Variants in SBSN observed in about 807,000 individuals in gnomAD.
The protein encoded by SBSN is suprabasin, also known as HLAR698.
Under a neutral mutation model 42.8 loss-of-function variants are expected in SBSN, and 33 were observed. The ratio of observed to expected loss-of-function variants is 0.77; its 90% CI spans 0.58 to 1.03. The LOEUF (loss-of-function observed/expected upper bound fraction) is 1.03. Among genes scored for constraint, SBSN ranks in the 50% least tolerant of loss-of-function variants. SBSN has a pLI of 0.00. For synonymous variants in SBSN, 276 were observed against 307.0 expected (o/e 0.90, Z 1.06); for missense variants, 646 against 757.3 (o/e 0.85, Z 1.72).
In SBSN at chr19:35,527,209, G is replaced by C; in HGVS notation, c.1073C>G (p.Ala358Gly). Residue 358 changes from alanine (A) to glycine (G), a missense_variant, in exon 1 of 4, where the codon GCC (alanine) becomes GGC (glycine). Transcript: ENST00000452271. ...CTCTGTTTCCTTCCCAAACTGACTGGCAGCATGGTGGACCCCCTGGCCAAA... is the reference window on the plus strand; with the variant it reads ...CTCTGTTTCCTTCCCAAACTGACTGCCAGCATGGTGGACCCCCTGGCCAAA... ...EKFGQGVHHAASQFGKETEKL... is the reference protein window; with the variant it reads ...EKFGQGVHHAGSQFGKETEKL... The C allele has an allele frequency of 6.5e-7, 1 of 1,535,596 alleles. No individual in the cohort carries two copies. Among genetic ancestry groups the C allele is most frequent in the Non-Finnish European group, 8.7e-7 (1 of 1,146,384 alleles).
chr19:35,523,760 T>A, intron 3 of SBSN, among the ~76,000 whole-genome samples: 1 of 152,144 alleles, frequency 6.6e-6, no homozygotes. Context: ...ACAAGCCTCG[T>A]GTGTTTAGCC....
intron 1 of SBSN, 33 bp downstream of exon 1, chr19:35,526,611 C>CCCT: frequency 9.0e-6 from 12 of 1,336,252 alleles, no homozygotes; most frequent in South Asian, 6.8e-5. Flanking sequence ...CCCAACCCCC[C>CCCT]TGTCCCCCAT....
At chr19:35,525,202 G>A (rs1250051018) in intron 1 of SBSN, among the ~76,000 whole-genome samples, 6 of 152,172 alleles carry the variant, frequency 3.9e-5, no homozygotes, top group Non-Finnish European at 8.8e-5. Context: ...GGAAGGTAGA[G>A]GACCCGTGAC....
chr19:35,527,094 C>G lies in SBSN; in HGVS notation c.1188G>C (p.Gln396His). ...FGQGVHHAAS[Q>H]VGKEEDRVVQ... ...CCACTCTGTCTTCCTCCTTCCCCAC[C>G]TGCGAGGCAGCATGGTGGACACCCT... The change falls in exon 1 of 4, where the codon CAG becomes CAC. Residue 396 changes from glutamine to histidine, a missense_variant. By Grantham distance (24) the Gln-to-His change is conservative. Transcript: ENST00000452271. 1 of 1,537,614 alleles carries G rather than the reference C, an allele frequency of 6.5e-7. No homozygotes were observed. The highest frequency in any genetic ancestry group is 8.7e-7 in the Non-Finnish European group (1 of 1,146,940).
At chr19:35,524,307 C>T (rs1321514257) in intron 3 of SBSN, among the ~76,000 whole-genome samples, 1 of 152,176 alleles carries the variant, frequency 6.6e-6, no homozygotes, top group Admixed American at 6.5e-5. Flanking sequence ...CAGGCTCCCC[C>T]TCCCAGCATG....
At chr19:35,524,665 A>G (rs1363435618) in intron 3 of SBSN, 46 bp downstream of exon 3, 1 of 1,605,592 alleles carries the variant, frequency 6.2e-7, no homozygotes, top group South Asian at 1.1e-5. Flanking sequence ...GGGTGAGCGT[A>G]TCTATCAGGA....
chr19:35,524,662 C>T (rs556427986), intron 3 of SBSN, 49 bp downstream of exon 3: 17 of 1,599,638 alleles, frequency 1.1e-5, no homozygotes, highest in Admixed American at 6.7e-5. Context: ...TCGGGGTGAG[C>T]GTATCTATCA....
At position 35,526,720 on chromosome 19, in the gene SBSN, C is replaced by A. The variant is rs1161364552; in HGVS notation, c.1562G>T (p.Gly521Val). 1.2e-6 allele frequency: 2 copies of A among 1,612,786 alleles called. No homozygotes were observed. The highest frequency in any genetic ancestry group is 2.2e-5 in the East Asian group (1 of 44,834). ...ATTCTGCAGCTCCTTCCCGGCCTGG[C>A]CAGCAGCATGGTGGGCACCTTGGCC... ...KLGQGAHHAA[G>V]QAGKELQNAH... The change falls in exon 1 of 4, where the codon GGC becomes GTC. Residue 521 changes from glycine to valine, a missense_variant. By Grantham distance (109) the Gly-to-Val change is moderately radical. Around this residue, in one of 3 missense-constraint regions of SBSN, gnomAD observed 236 missense variants for 225.6 expected, o/e 1.05. Coordinates refer to ENST00000452271, the MANE Select transcript of SBSN (RefSeq NM_001166034.2).
intron 3 of SBSN, among the ~76,000 whole-genome samples, chr19:35,523,812 G>T (rs2071338691): frequency 6.6e-6 from 1 of 152,220 alleles, no homozygotes; most frequent in African/African-American, 2.4e-5. Flanking sequence ...GGATACACAA[G>T]GGTGGGCCTT....
At chr19:35,525,047 C>T (rs963379094) in intron 1 of SBSN, 123 bp from the exon 2 acceptor site, 51 of 945,076 alleles carry the variant, frequency 5.4e-5, no homozygotes, top group Middle Eastern at 3.2e-4. Context: ...CACAGCTTAA[C>T]CCACTGCCTC....
Position 35,528,253 on chromosome 19 carries a change from C to T in SBSN, c.29G>A (p.Cys10Tyr). 1 of 1,612,700 alleles carries T rather than the reference C, an allele frequency of 6.2e-7. No individual in the cohort carries two copies. The highest frequency in any genetic ancestry group is 8.5e-7 in the Non-Finnish European group (1 of 1,179,738). ...GGCCCCCAGTAGCAGAAGGAGGGAG[C>T]AGGAGCCGACCAGACGTGCAAGATG... The part of the protein sequence containing the change: MHLARLVGS[C>Y]SLLLLLGALS... Residue 10 changes from cysteine to tyrosine, a missense_variant, in exon 1 of 4, where the codon TGC becomes TAC. Cys to Tyr is a radical substitution (Grantham distance 194). Transcript: ENST00000452271.
Position 35,526,676 on chromosome 19 carries a change from G to C in SBSN, c.1606C>G (p.Gln536Glu). ...ELQNAHNGVN[Q>E]ASKEANQLLN... The stretch of plus-strand genomic sequence containing the variant: ...AGCTGGTTGGCCTCCTTGCTGGCTT[G>C]GTTGACCCCATTATGAGCATTCTGC... The change falls in exon 1 of 4, where the codon CAA (glutamine) becomes GAA (glutamate). Residue 536 changes from glutamine to glutamate, a missense_variant. Transcript: ENST00000452271. The C allele has an allele frequency of 2.5e-6, 4 of 1,574,698 alleles. No individual in the cohort carries two copies. The highest frequency in any genetic ancestry group is 3.4e-6 in the Non-Finnish European group (4 of 1,159,976).
rs779557742 is a variant in SBSN at position 35,526,742 on chromosome 19, G to C, written c.1540C>G (p.Gln514Glu). Residue 514 changes from glutamine to glutamate, a missense_variant, in exon 1 of 4, where the codon CAA becomes GAA. Transcript: ENST00000452271. ...TGGCCAGCAGCATGGTGGGCACCTT[G>C]GCCAAGCTTCTCCACTTCCTTTCCA... is the stretch of plus-strand genomic sequence containing the variant. ...QAGKEVEKLG[Q>E]GAHHAAGQAG... The C allele has an allele frequency of 6.2e-7, 1 of 1,613,972 alleles. No individual in the cohort carries two copies. The highest frequency in any genetic ancestry group is 2.2e-5 in the East Asian group (1 of 44,874).
At chr19:35,525,532 T>C (rs1011057083) in intron 1 of SBSN, among the ~76,000 whole-genome samples, 10 of 146,340 alleles carry the variant, frequency 6.8e-5, no homozygotes, top group Admixed American at 1.4e-4. Flanking sequence ...AGTCACATCT[T>C]GCAGATCCAG....
rs905283061 is a variant in SBSN at position 35,526,003 on chromosome 19, T to C, written c.1638+641A>G. On this transcript the variant is annotated intron_variant, in intron 1 of 3. Coordinates refer to ENST00000452271, the MANE Select transcript of SBSN (RefSeq NM_001166034.2). Reference sequence around the variant, plus strand: ...CTGGCCTCTGTTCCCCCTACATAAATGGGTAAGAGAAACCTTCCAGAAAAC... The same window carrying C: ...CTGGCCTCTGTTCCCCCTACATAAACGGGTAAGAGAAACCTTCCAGAAAAC... 3.4e-4 allele frequency among the ~76,000 whole-genome samples: 51 copies of C among 152,068 alleles called. 1 individual carries two copies. Among genetic ancestry groups the C allele is most frequent in the Admixed American group, 3.3e-3 (51 of 15,256 alleles).
At chr19:35,526,550 C>T (rs937976178) in intron 1 of SBSN, 94 bp downstream of exon 1, 6 of 1,157,206 alleles carry the variant, frequency 5.2e-6, no homozygotes, top group South Asian at 1.5e-5. Context: ...ACAAAGGCTA[C>T]GCGGACCCCC....
chr19:35,524,513 A>G (rs1352744574), intron 3 of SBSN, among the ~76,000 whole-genome samples, 198 bp downstream of exon 3: 2 of 151,958 alleles, frequency 1.3e-5, no homozygotes, highest in Admixed American at 6.6e-5. Context: ...AAGGCACCCA[A>G]AAGATGAGGG....
chr19:35,527,894 C>T lies in SBSN; in HGVS notation c.388G>A (p.Ala130Thr). The change falls in exon 1 of 4, where the codon GCA becomes ACA. Residue 130 changes from alanine (A) to threonine (T), a missense_variant. Physicochemically the swap from Ala to Thr is moderately conservative, Grantham distance 58. Transcript: ENST00000452271. ...NNAAGQVGKE[A>T]DKLIHHGVHH... ...ACCCCATGATGGATCAGTTTGTCTG[C>T]CTCCTTCCCAACCTGTCCAGCAGCG... 6.2e-7 allele frequency: 1 copy of T among 1,614,186 alleles called. No homozygotes were observed. Among genetic ancestry groups the T allele is most frequent in the Non-Finnish European group, 8.5e-7 (1 of 1,180,044 alleles).
chr19:35,527,100 G>T lies in SBSN; in HGVS notation c.1182C>A (p.Ala394=). The T allele has an allele frequency of 1.3e-6, 2 of 1,533,178 alleles. No individual in the cohort carries two copies. The highest frequency in any genetic ancestry group is 1.7e-6 in the Non-Finnish European group (2 of 1,145,632). The allele number at this position is 1,533,178 out of a possible 1,614,324, so 95.0% of individuals were successfully genotyped here. ...TGTCTTCCTCCTTCCCCACCTGCGA[G>T]GCAGCATGGTGGACACCCTGGCCAA... The part of the protein sequence containing the change: ...EKFGQGVHHA[A]SQVGKEEDRV... Residue 394 remains alanine (A), a synonymous_variant, in exon 1 of 4, where the codon GCC becomes GCA. Transcript: ENST00000452271.
Sources: allele counts gnomAD v4.1 joint callset (sites outside exome capture counted in the v4.1 genomes callset), GRCh38; gene constraint gnomAD v4.1.1; regional missense constraint gnomAD v4.1.1; transcripts MANE v1.5; gene names NCBI Gene and HGNC (gene_info 2026-07-23, HGNC 2026-07-21).